COL18A1: variants seen among roughly 807,000 people sequenced by gnomAD.
The protein encoded by COL18A1 is collagen alpha-1(XVIII) chain.
A neutral mutation model predicts 168.0 loss-of-function variants in COL18A1; 133 were observed. The observed-to-expected ratio is 0.79, with a 90% CI of 0.69 to 0.91. The LOEUF (loss-of-function observed/expected upper bound fraction) is 0.91. Among genes scored for constraint, COL18A1 ranks in the 40% least tolerant of loss-of-function variants. The probability of loss-of-function intolerance (pLI) is 0.00; values close to 1 mark genes in which losing one functional copy is unlikely to be tolerated. For synonymous variants in COL18A1, 949 were observed against 809.0 expected, an observed-to-expected ratio of 1.17 and a Z score of -2.94; for missense variants, 2,126 against 1,925.4, an observed-to-expected ratio of 1.10 and a Z score of -1.95.
chr21:45,510,033 C>G, intron 39 of COL18A1, 31 bp from the exon 40 acceptor site: 1 of 1,538,434 alleles, frequency 6.5e-7, no homozygotes, highest in Non-Finnish European at 8.7e-7. Context: ...CAGCGTGGGA[C>G]ACAGCCCGTG....
chr21:45,477,696 C>T (rs2035727558), intron 7 of COL18A1, 54 bp from the exon 8 acceptor site: 11 of 1,450,522 alleles, frequency 7.6e-6, no homozygotes, highest in African/African-American at 1.4e-5. Flanking sequence ...GACACGTGGG[C>T]AGGGTGTGTG....
At chr21:45,478,454 A>G (rs1164037108) in intron 9 of COL18A1, 101 bp downstream of exon 9, 2 of 1,497,518 alleles carry the variant, frequency 1.3e-6, no homozygotes, top group African/African-American at 2.8e-5. Context: ...CGACCCAGTG[A>G]GGAGACTGTA....
At chr21:45,477,149 A>G (rs2035704845) in intron 6 of COL18A1, among the ~76,000 whole-genome samples, 1 of 152,208 alleles carries the variant, frequency 6.6e-6, no homozygotes, top group Non-Finnish European at 1.5e-5. Context: ...TAACAAATTC[A>G]GGAAGCATCT....
intron 2 of COL18A1, among the ~76,000 whole-genome samples, chr21:45,465,385 G>A (rs1009833744): frequency 2.8e-4 from 42 of 152,318 alleles, no homozygotes; most frequent in African/African-American, 9.9e-4. Context: ...TTAGCCTTCC[G>A]TGGGGGCTCT....
At chr21:45,436,394 C>T (rs961941008) in intron 2 of COL18A1, among the ~76,000 whole-genome samples, 1 of 152,218 alleles carries the variant, frequency 6.6e-6, no homozygotes, top group Non-Finnish European at 1.5e-5. Flanking sequence ...GGGACTGTGC[C>T]GCCGCCCCAT....
chr21:45,480,075 C>A lies in COL18A1; in HGVS notation c.1317C>A (p.Asp439Glu). 1.2e-6 allele frequency: 2 copies of A among 1,610,760 alleles called. No individual in the cohort carries two copies. Among genetic ancestry groups the A allele is most frequent in the South Asian group, 2.2e-5 (2 of 91,000 alleles). Residue 439 changes from aspartate to glutamate, a missense_variant, in exon 11 of 42, where the codon GAC becomes GAA. Asp to Glu is a conservative substitution (Grantham distance 45, BLOSUM62 2). Coordinates refer to ENST00000651438, the MANE Select transcript of COL18A1 (RefSeq NM_001379500.1). Reference sequence around the variant, plus strand: ...GGCTTGTCTTGTGTTCCCAGGGAGACCCTGGGGTTGGAGAGAGAGGGCCCC... The same window carrying A: ...GGCTTGTCTTGTGTTCCCAGGGAGAACCTGGGGTTGGAGAGAGAGGGCCCC... Reference protein sequence around the residue: ...GDVGPKGDKGDPGVGERGPPG... With the variant: ...GDVGPKGDKGEPGVGERGPPG...
chr21:45,501,390 G>A (rs1445363123), intron 32 of COL18A1, among the ~76,000 whole-genome samples: 6 of 152,110 alleles, frequency 3.9e-5, no homozygotes, highest in Non-Finnish European at 7.4e-5. Context: ...CCCCAGCATC[G>A]GGACCGGGGT....
In COL18A1 at chr21:45,437,854, TCA is replaced by T. The variant is rs1255948421; in HGVS notation, c.107-30384_107-30383del. ...CAGACAAGCACTCTCCTGCACACAC[TCA>T]CACTCACACTCAGACACACAGGCAC... On this transcript the variant is annotated intron_variant, in intron 2 of 41. Transcript: ENST00000651438. 2.9e-4 allele frequency among the ~76,000 whole-genome samples: 6 copies of T among 20,520 alleles called. 1 individual carries two copies. Among genetic ancestry groups the T allele is most frequent in the Non-Finnish European group, 4.6e-4 (6 of 13,022 alleles). 13.5% of individuals were successfully genotyped at this position (20,520 alleles called of 152,430 possible). A position where few individuals can be genotyped will look rare whatever the true frequency, so the allele number is the denominator to read the frequency against.
rs747029515 is a variant in COL18A1, at chr21:45,505,879, G to A, written c.3129G>A (p.Val1043=). Residue 1043 remains valine, a synonymous_variant, in exon 37 of 42, where the codon GTG becomes GTA. Coordinates refer to ENST00000651438, the MANE Select transcript of COL18A1 (RefSeq NM_001379500.1). ...CACGCCAGGCCATGCTGGGCCAGGT[G>A]CACGAGGTTCCCGAGGGCTGGCTCA... is the stretch of plus-strand genomic sequence containing the variant. ...WATRQAMLGQ[V]HEVPEGWLIF... is the part of the protein sequence containing the mutation. The A allele has an allele frequency of 8.1e-6, 13 of 1,612,406 alleles. No homozygotes were observed. Among genetic ancestry groups the A allele is most frequent in the Admixed American group, 6.7e-5 (4 of 60,012 alleles).
At chr21:45,468,809 T>TG (rs1296917241) in intron 3 of COL18A1, 23 bp downstream of exon 3, 7 of 800,780 alleles carry the variant, frequency 8.7e-6, no homozygotes, top group Non-Finnish European at 1.3e-5. Flanking sequence ...GTGCCGTCGC[T>TG]GGGGGACTGG....
intron 2 of COL18A1, among the ~76,000 whole-genome samples, chr21:45,437,818 A>G (rs2034215502): frequency 1.4e-5 from 1 of 69,902 alleles, no homozygotes; most frequent in Non-Finnish European, 2.4e-5. Context: ...TCTCCTGCAC[A>G]CACTCACACT....
rs750868738 is a variant in COL18A1 at position 45,455,867 on chromosome 21, G to A, written c.107-12375G>A. 1.2e-5 allele frequency: 19 copies of A among 1,613,002 alleles called. No homozygotes were observed. Among genetic ancestry groups the A allele is most frequent in the East Asian group, 4.5e-5 (2 of 44,884 alleles). On this transcript the variant is annotated intron_variant, in intron 2 of 41. Coordinates refer to ENST00000651438, the MANE Select transcript of COL18A1 (RefSeq NM_001379500.1). ...GGAGAACATTGCCGGTGTCGGAGCCGAGATCCTGAACGTGGCCAAAGGCAT... is the reference window on the plus strand; with the variant it reads ...GGAGAACATTGCCGGTGTCGGAGCCAAGATCCTGAACGTGGCCAAAGGCAT...
At chr21:45,414,636 GC>G (rs1051777351) in intron 2 of COL18A1, among the ~76,000 whole-genome samples, 4 of 152,246 alleles carry the variant, frequency 2.6e-5, no homozygotes, top group African/African-American at 9.6e-5. Context: ...TGGCCTGAGG[GC>G]CTCACGGACA....
At chr21:45,509,274 C>G (rs191997585) in intron 38 of COL18A1, 82 bp from the exon 39 acceptor site, 2 of 1,520,112 alleles carry the variant, frequency 1.3e-6, no homozygotes, top group East Asian at 4.9e-5. Flanking sequence ...GCCCCTCTCA[C>G]CCAGCCCAGA....
intron 2 of COL18A1, among the ~76,000 whole-genome samples, chr21:45,466,623 G>A (rs768096851): frequency 1.3e-5 from 2 of 152,202 alleles, no homozygotes; most frequent in Admixed American, 6.5e-5. Flanking sequence ...TCTTAGGGCC[G>A]GGCATTTGGA....
Position 45,505,448 on chromosome 21 carries a change from C to A in COL18A1, c.3087+17C>A. The stretch of plus-strand genomic sequence containing the variant: ...TCCTCAGGGGTAAGTGTCTGGGCAG[C>A]CGGCTGGGCACCTGCGTCCCGTGCC... On this transcript the variant is annotated intron_variant, in intron 36 of 41. Transcript: ENST00000651438. 7.0e-7 allele frequency: 1 copy of A among 1,433,946 alleles called. No individual in the cohort carries two copies. Among genetic ancestry groups the A allele is most frequent in the Non-Finnish European group, 9.7e-7 (1 of 1,035,256 alleles). The allele number at this position is 1,433,946 out of a possible 1,614,324, so 88.8% of individuals were successfully genotyped here.
intron 2 of COL18A1, among the ~76,000 whole-genome samples, chr21:45,432,560 C>A (rs2033991815): frequency 6.6e-6 from 1 of 152,216 alleles, no homozygotes; most frequent in African/African-American, 2.4e-5. Flanking sequence ...TGGGTGAGAA[C>A]CCCCTCGAGT....
intron 2 of COL18A1, chr21:45,467,188 C>T (rs2035242127): frequency 1.0e-6 from 1 of 962,184 alleles, no homozygotes; most frequent in Non-Finnish European, 1.2e-6. Context: ...TGAGTGGGTG[C>T]TGCCCCCCTC....
At chr21:45,495,536 A>C in intron 29 of COL18A1, 104 bp downstream of exon 29, 1 of 958,774 alleles carries the variant, frequency 1.0e-6, no homozygotes, top group Non-Finnish European at 1.6e-6. Context: ...GGCCACTTAT[A>C]AGCAGCCCTG....
Sources: allele counts gnomAD v4.1 joint callset (sites outside exome capture counted in the v4.1 genomes callset), GRCh38; gene constraint gnomAD v4.1.1; transcripts MANE v1.5; gene names NCBI Gene and HGNC (gene_info 2026-07-23, HGNC 2026-07-21).